The following CCNH variants were observed in gnomAD, a reference collection of about 807,000 sequenced individuals.
The protein encoded by CCNH is cyclin H.
Under a neutral mutation model 41.9 loss-of-function variants are expected in CCNH, and 31 were observed. The observed-to-expected ratio is 0.74, with a 90% confidence interval of 0.56 to 1.00. CCNH has a LOEUF of 1.00. CCNH is among the 50% of genes least tolerant of loss of function. CCNH has a pLI of 0.00. For missense variants in CCNH, 362 were observed against 388.4 expected (o/e 0.93, Z 0.57); for synonymous variants, 138 against 136.1 (o/e 1.01, Z -0.10).
chr5:87,340,828 A>T (rs1352050926), intron 9 of CCNH, among the ~76,000 whole-genome samples: 2 of 152,176 alleles, frequency 1.3e-5, no homozygotes, highest in African/African-American at 4.8e-5. Context: ...AGATTGGCAA[A>T]TAGGAAGTTA....
intron 5 of CCNH, among the ~76,000 whole-genome samples, chr5:87,403,280 C>G (rs185738590): frequency 6.7e-6 from 1 of 149,962 alleles, no homozygotes; most frequent in East Asian, 1.9e-4. Context: ...GTTACGAAAG[C>G]CTATTAAATT....
At position 87,333,340 on chromosome 5, in the gene CCNH, A is replaced by AT. The variant is rs753946710; in HGVS notation, c.*91-14444dup. 3.7e-6 allele frequency: 6 copies of AT among 1,612,968 alleles called. No individual in the cohort carries two copies. In the South Asian group the frequency reaches 6.6e-5, roughly 18 times the overall value. On this transcript the variant is annotated intron_variant and NMD_transcript_variant, in intron 9 of 9. Coordinates refer to the CCNH transcript ENST00000645953. ...GTACCAGACACTGATGAAATAAGGT[A>AT]TTTTATAATCTATTCTCATGTATAG...
At chr5:87,390,727 C>G (rs1297444911), downstream of CCNH, 6 of 1,281,886 alleles carry the variant, frequency 4.7e-6, no homozygotes, top group African/African-American at 7.4e-5. Flanking sequence ...CAGTTTTTTT[C>G]AAATCCAGGT....
intron 9 of CCNH, among the ~76,000 whole-genome samples, chr5:87,384,148 C>T (rs373717985): frequency 6.6e-6 from 1 of 152,118 alleles, no homozygotes; most frequent in South Asian, 2.1e-4. Flanking sequence ...GCTAGATCTT[C>T]AAGATCAAAT....
intron 8 of CCNH, 159 bp downstream of exon 8, chr5:87,394,882 TTAA>T (rs1233826273): frequency 7.7e-5 from 109 of 1,415,602 alleles, no homozygotes; most frequent in Non-Finnish European, 5.1e-5. Context: ...AAAAATCCCT[TTAA>T]TAATGGACAA....
intron 8 of CCNH, 94 bp from the exon 9 acceptor site, chr5:87,394,578 T>C (rs2112541947): frequency 6.3e-7 from 1 of 1,579,912 alleles, no homozygotes; most frequent in Non-Finnish European, 8.6e-7. Context: ...TCTCCTCCTT[T>C]TACCCATGTG....
At chr5:87,323,119 A>C (rs1377430629) in intron 9 of CCNH, among the ~76,000 whole-genome samples, 1 of 152,220 alleles carries the variant, frequency 6.6e-6, no homozygotes, top group Non-Finnish European at 1.5e-5. Flanking sequence ...TATTTCCATG[A>C]CTGTGAATAA....
chr5:87,386,647 T>C (rs552462096), downstream of CCNH, among the ~76,000 whole-genome samples: 7 of 152,222 alleles, frequency 4.6e-5, no homozygotes, highest in East Asian at 9.6e-4. Flanking sequence ...TGTGAATGTG[T>C]TGCTGCTGCT....
chr5:87,397,249 C>G (rs1179690860), intron 7 of CCNH, among the ~76,000 whole-genome samples: 5 of 151,764 alleles, frequency 3.3e-5, no homozygotes, highest in African/African-American at 1.2e-4. Context: ...TGTGACCCCT[C>G]CAGGGTTCAA....
chr5:87,338,327 T>C (rs1427347510), intron 9 of CCNH, among the ~76,000 whole-genome samples: 1 of 151,208 alleles, frequency 6.6e-6, no homozygotes, highest in Non-Finnish European at 1.5e-5. Flanking sequence ...ATTAAAAATA[T>C]ATTAACATTT....
chr5:87,362,163 C>T (rs1334143280), intron 9 of CCNH, among the ~76,000 whole-genome samples: 1 of 152,194 alleles, frequency 6.6e-6, no homozygotes, highest in East Asian at 1.9e-4. Flanking sequence ...TGTGCATAGG[C>T]AAACATGAAT....
Position 87,383,729 on chromosome 5 carries a change from C to T in CCNH, c.*90+9041G>A, listed in dbSNP as rs1554050230. On this transcript the variant is annotated intron_variant and NMD_transcript_variant, in intron 9 of 9. Coordinates refer to the CCNH transcript ENST00000645953. Reference sequence around the variant, plus strand: ...CCCATTCAGTGGTTTTGTTTTTCTTCGACTCATCTGTCCTGCCATCCTGAA... The same window carrying T: ...CCCATTCAGTGGTTTTGTTTTTCTTTGACTCATCTGTCCTGCCATCCTGAA... 6.2e-7 allele frequency: 1 copy of T among 1,605,452 alleles called. No individual in the cohort carries two copies. Among genetic ancestry groups the T allele is most frequent in the Non-Finnish European group, 8.5e-7 (1 of 1,177,054 alleles).
intron 9 of CCNH, chr5:87,341,419 G>A: frequency 1.4e-6 from 1 of 730,686 alleles, no homozygotes; most frequent in Admixed American, 4.3e-5. Flanking sequence ...TTAAGGTTTT[G>A]GACTGACTTA....
intron 4 of CCNH, among the ~76,000 whole-genome samples, chr5:87,407,241 CT>C (rs1763861743): frequency 6.6e-6 from 1 of 152,098 alleles, no homozygotes; most frequent in Non-Finnish European, 1.5e-5. Context: ...ATATTTTCCC[CT>C]CTGTATCATT....
At chr5:87,402,709 A>G (rs1763506533) in intron 5 of CCNH, among the ~76,000 whole-genome samples, 1 of 152,154 alleles carries the variant, frequency 6.6e-6, no homozygotes, top group Admixed American at 6.5e-5. Context: ...GAAAATCAGG[A>G]AATCTCCTGA....
At chr5:87,325,358 T>G (rs1580265703) in intron 9 of CCNH, among the ~76,000 whole-genome samples, 1 of 152,194 alleles carries the variant, frequency 6.6e-6, no homozygotes, top group Non-Finnish European at 1.5e-5. Flanking sequence ...CCAAACCATA[T>G]CACAGACAGT....
chr5:87,351,180 T>A (rs868772718), intron 9 of CCNH, among the ~76,000 whole-genome samples: 39 of 145,626 alleles, frequency 2.7e-4, no homozygotes, highest in East Asian at 5.9e-4. Flanking sequence ...TTCAGAGTTT[T>A]AAAAAAAAAA....
intron 7 of CCNH, among the ~76,000 whole-genome samples, chr5:87,398,822 A>C (rs932424009): frequency 7.2e-5 from 11 of 151,932 alleles, no homozygotes; most frequent in African/African-American, 2.4e-5. Context: ...AAATACAAAA[A>C]ATTAGCTGGG....
chr5:87,394,708 T>G (rs1024472282), intron 8 of CCNH: 6 of 1,337,908 alleles, frequency 4.5e-6, no homozygotes, highest in Non-Finnish European at 5.7e-6. Flanking sequence ...TGCCTCTGAT[T>G]ATTCACTTAT....
Sources: allele counts gnomAD v4.1 joint callset (sites outside exome capture counted in the v4.1 genomes callset), GRCh38; gene constraint gnomAD v4.1.1; transcripts MANE v1.5; gene names NCBI Gene and HGNC (gene_info 2026-07-23, HGNC 2026-07-21).